Variants in MMP20 observed in about 807,000 individuals in gnomAD.
MMP20 encodes the protein matrix metallopeptidase 20.
A neutral mutation model predicts 51.8 loss-of-function variants in MMP20; 50 were observed. The ratio of observed to expected loss-of-function variants is 0.97; its 90% CI spans 0.77 to 1.22. MMP20 has a LOEUF of 1.22. MMP20 is among the 50% of genes most tolerant of loss of function. The pLI is 0.00. For synonymous variants in MMP20, 244 were observed against 216.2 expected, an observed-to-expected ratio of 1.13 and a Z score of -1.13; for missense variants, 663 against 601.4, an observed-to-expected ratio of 1.10 and a Z score of -1.07.
At chr11:102,611,379 G>A (rs1473689575) in intron 3 of MMP20, among the ~76,000 whole-genome samples, 1 of 152,232 alleles carries the variant, frequency 6.6e-6, no homozygotes, top group Non-Finnish European at 1.5e-5. Flanking sequence ...AGGATTCATG[G>A]TAGGATATCC....
chr11:102,604,840 C>T (rs545355588), intron 6 of MMP20, among the ~76,000 whole-genome samples: 53 of 152,268 alleles, frequency 3.5e-4, no homozygotes, highest in Non-Finnish European at 7.1e-4. Context: ...GTTTATAAAT[C>T]AACACCACTA....
intron 2 of MMP20, 73 bp from the exon 3 acceptor site, chr11:102,611,976 C>A (rs1029900005): frequency 6.6e-5 from 92 of 1,397,508 alleles, no homozygotes; most frequent in South Asian, 7.1e-5. Flanking sequence ...ATGTTGTATT[C>A]AAAAAATGTT....
intron 9 of MMP20, 45 bp from the exon 10 acceptor site, chr11:102,577,471 A>G: frequency 7.7e-7 from 1 of 1,291,988 alleles, no homozygotes; most frequent in Non-Finnish European, 1.1e-6. Context: ...GATGTCCAGC[A>G]CATATATAAA....
chr11:102,577,041 T>G lies in MMP20; in HGVS notation c.*285A>C. On this transcript the variant is annotated 3_prime_UTR_variant, in exon 10 of 10. Coordinates refer to ENST00000260228, the MANE Select transcript of MMP20 (RefSeq NM_004771.4). ...TAAAAATCAAACGGATCAATCTGCT[T>G]CAGTATATTAGGTAAGAAAAAATAA... 1 of 378,562 alleles carries G rather than the reference T, an allele frequency of 2.6e-6. No homozygotes were observed. Among genetic ancestry groups the G allele is most frequent in the Non-Finnish European group, 5.0e-6 (1 of 202,006 alleles). 23.5% of individuals were successfully genotyped at this position (378,562 alleles called of 1,614,324 possible).
intron 8 of MMP20, among the ~76,000 whole-genome samples, chr11:102,585,681 A>C (rs1319560904): frequency 6.6e-6 from 1 of 152,068 alleles, no homozygotes; most frequent in Non-Finnish European, 1.5e-5. Flanking sequence ...TTTGTTTTTG[A>C]TGTTAGGAGG....
chr11:102,606,941 T>C (rs1859526295), intron 5 of MMP20: 1 of 457,338 alleles, frequency 2.2e-6, no homozygotes, highest in Non-Finnish European at 4.0e-6. Context: ...CAGAAGGCTG[T>C]TGTGAGAATT....
intron 7 of MMP20, among the ~76,000 whole-genome samples, chr11:102,594,035 C>G (rs1005683175): frequency 1.3e-5 from 2 of 152,202 alleles, no homozygotes; most frequent in African/African-American, 2.4e-5. Flanking sequence ...TGGATAACTT[C>G]CATTGGCTCG....
chr11:102,597,175 C>G (rs890394398), intron 6 of MMP20, among the ~76,000 whole-genome samples: 1 of 152,270 alleles, frequency 6.6e-6, no homozygotes. Context: ...AGTAGACTTC[C>G]AGCTGCTTTC....
Position 102,595,331 on chromosome 11 carries a change from G to A in MMP20, c.954-574C>T, listed in dbSNP as rs888251903. On this transcript the variant is annotated intron_variant, in intron 6 of 9. Coordinates refer to ENST00000260228, the MANE Select transcript of MMP20 (RefSeq NM_004771.4). ...GCATTTCTGTGATCCCCTCTCCTTCGTTTATTTAAGGATGTTCAAAATAAT... is the reference window on the plus strand; with the variant it reads ...GCATTTCTGTGATCCCCTCTCCTTCATTTATTTAAGGATGTTCAAAATAAT... Among the ~76,000 whole-genome samples the A allele has an allele frequency of 5.3e-5, 8 of 151,950 alleles. No individual in the cohort carries two copies. In the East Asian group the frequency reaches 5.8e-4, roughly 11 times the overall value.
chr11:102,579,494 T>C lies in MMP20; in HGVS notation c.1248-352A>G, dbSNP rs551176471. Among the ~76,000 whole-genome samples, 5 of 152,140 alleles carry C rather than the reference T, an allele frequency of 3.3e-5. No homozygotes were observed. The East Asian group carries it at 9.7e-4, about 29-fold the overall frequency. ...CACCCTGGCTAATTTTTATTTTTTA[T>C]AAAGACAGGGTCTTGCCATGTTGCC... is the stretch of plus-strand genomic sequence containing the variant. On this transcript the variant is annotated intron_variant, in intron 8 of 9. Transcript: ENST00000260228.
intron 8 of MMP20, among the ~76,000 whole-genome samples, chr11:102,589,355 C>A (rs1859289997): frequency 6.6e-6 from 1 of 152,106 alleles, no homozygotes; most frequent in African/African-American, 2.4e-5. Flanking sequence ...GCTAAGTTGG[C>A]CATTTCCTCT....
chr11:102,582,102 A>G (rs1410176294), intron 8 of MMP20, among the ~76,000 whole-genome samples: 2 of 152,148 alleles, frequency 1.3e-5, no homozygotes, highest in Non-Finnish European at 1.5e-5. Context: ...CAGATATCTG[A>G]TGTAGTTTTT....
intron 1 of MMP20, among the ~76,000 whole-genome samples, chr11:102,617,433 A>C (rs1859689149): frequency 6.6e-6 from 1 of 152,202 alleles, no homozygotes; most frequent in Non-Finnish European, 1.5e-5. Context: ...TTTGTCACTG[A>C]AGTTCTTTAC....
At chr11:102,584,495 G>T (rs1362137245) in intron 8 of MMP20, among the ~76,000 whole-genome samples, 1 of 152,030 alleles carries the variant, frequency 6.6e-6, no homozygotes, top group Non-Finnish European at 1.5e-5. Flanking sequence ...GTTATTAATT[G>T]AATAGTCGTT....
chr11:102,588,863 A>G (rs1466529711), intron 8 of MMP20, among the ~76,000 whole-genome samples: 1 of 149,862 alleles, frequency 6.7e-6, no homozygotes, highest in Non-Finnish European at 1.5e-5. Context: ...TAGTGGATAT[A>G]AGATTCTTGG....
chr11:102,580,273 C>T (rs1859177622), intron 8 of MMP20, among the ~76,000 whole-genome samples: 1 of 152,152 alleles, frequency 6.6e-6, no homozygotes, highest in African/African-American at 2.4e-5. Context: ...GAGAATCAGA[C>T]TTCATTTAAA....
intron 8 of MMP20, among the ~76,000 whole-genome samples, chr11:102,587,094 T>C (rs1253282642): frequency 6.6e-6 from 1 of 152,174 alleles, no homozygotes; most frequent in Non-Finnish European, 1.5e-5. Flanking sequence ...ATAGCTATAA[T>C]TTTTTTCTCT....
chr11:102,600,784 C>G (rs927590561), intron 6 of MMP20, among the ~76,000 whole-genome samples: 1 of 152,144 alleles, frequency 6.6e-6, no homozygotes, highest in African/African-American at 2.4e-5. Flanking sequence ...TTGCGCCTGG[C>G]CCCATTTGCT....
chr11:102,601,065 C>G (rs1217879217), intron 6 of MMP20, among the ~76,000 whole-genome samples: 1 of 151,008 alleles, frequency 6.6e-6, no homozygotes, highest in Non-Finnish European at 1.5e-5. Context: ...GAGTGAATAT[C>G]TGTAAAATTC....
Sources: gnomAD v4.1 joint callset for allele counts (sites outside exome capture counted in the v4.1 genomes callset) on GRCh38, gnomAD v4.1.1 for gene constraint, MANE v1.5 for transcripts, NCBI Gene and HGNC (gene_info 2026-07-23, HGNC 2026-07-21) for gene names.